The following GIGYF2 variants were observed in gnomAD, a reference collection of about 807,000 sequenced individuals.
GIGYF2 encodes the protein GRB10-interacting GYF protein 2.
In GIGYF2, 25 loss-of-function variants were observed where a neutral mutation model predicts 208.1. That is an observed-to-expected ratio of 0.12 (90% CI 0.09 to 0.17). The LOEUF is 0.17. GIGYF2 is among the 10% of genes least tolerant of loss of function. The pLI, the probability that GIGYF2 is intolerant of heterozygous loss-of-function variation, is 1.00. For missense variants in GIGYF2, 1,302 were observed against 1,579.4 expected (o/e 0.82, Z 2.98); for synonymous variants, 534 against 543.8 (o/e 0.98, Z 0.25).
Position 232,859,401 on chromosome 2 carries a change from G to A in GIGYF2, c.*2541G>A, listed in dbSNP as rs1690695214. The A allele has an allele frequency of 6.6e-6, 1 of 152,166 alleles. No individual in the cohort carries two copies. The highest frequency in any genetic ancestry group is 2.1e-4 in the South Asian group (1 of 4,832). The allele number at this position is 152,166 out of a possible 1,614,324, so 9.4% of individuals were successfully genotyped here. On this transcript the variant is annotated 3_prime_UTR_variant, in exon 29 of 29. Transcript: ENST00000373563. The stretch of plus-strand genomic sequence containing the variant: ...CCGCCTCAGCCTCCTAAATATCTAG[G>A]ACTACAGGTGTGTGCCACCATGCCC...
At chr2:232,781,678 A>G (rs1699728448) in intron 8 of GIGYF2, among the ~76,000 whole-genome samples, 1 of 152,166 alleles carries the variant, frequency 6.6e-6, no homozygotes, top group African/African-American at 2.4e-5. Context: ...TGTACCATGC[A>G]TGATTTGTCT....
At chr2:232,732,828 C>T (rs1366037657) in intron 2 of GIGYF2, among the ~76,000 whole-genome samples, 1 of 151,994 alleles carries the variant, frequency 6.6e-6, no homozygotes, top group Non-Finnish European at 1.5e-5. Context: ...CAGGGTTTTG[C>T]CATGTTGCCC....
rs1701923131 is a variant in GIGYF2, at chr2:232,844,234, A to C, written c.3078A>C (p.Pro1026=). The change falls in exon 24 of 29, where the codon CCA becomes CCC. Residue 1026 remains proline (P), a synonymous_variant. Coordinates refer to ENST00000373563, the MANE Select transcript of GIGYF2 (RefSeq NM_001103146.3). ...AGCAGCAGCAGCAACACCAGCAACC[A>C]AACAGAGCTCGTAACAATACGGTGT... is the stretch of plus-strand genomic sequence containing the variant. ...QQQQQQQHQQ[P]NRARNNTHSN... The C allele has an allele frequency of 1.9e-6, 3 of 1,570,626 alleles. No homozygotes were observed. In the South Asian group the frequency reaches 3.4e-5, roughly 18 times the overall value.
chr2:232,727,460 A>C (rs1392226075), intron 2 of GIGYF2, among the ~76,000 whole-genome samples: 1 of 152,184 alleles, frequency 6.6e-6, no homozygotes, highest in Non-Finnish European at 1.5e-5. Flanking sequence ...TGAAGTATGG[A>C]GGGATACACA....
intron 8 of GIGYF2, among the ~76,000 whole-genome samples, chr2:232,776,972 G>T (rs1352979809): frequency 1.3e-5 from 2 of 151,622 alleles, no homozygotes; most frequent in Non-Finnish European, 2.9e-5. Flanking sequence ...GATTTATTTG[G>T]ATAAGGACTT....
chr2:232,753,707 T>A (rs2106318493), intron 5 of GIGYF2, among the ~76,000 whole-genome samples: 1 of 152,274 alleles, frequency 6.6e-6, no homozygotes, highest in African/African-American at 2.4e-5. Flanking sequence ...CTACATTATA[T>A]AGATGAGGAA....
At chr2:232,816,552 GGTGGGAGGAAA>G (rs1291055132) in intron 19 of GIGYF2, among the ~76,000 whole-genome samples, 1 of 152,154 alleles carries the variant, frequency 6.6e-6, no homozygotes, top group Non-Finnish European at 1.5e-5. Context: ...GGCAAGTACA[GGTGGGAGGAAA>G]GTGCATTCAA....
intron 8 of GIGYF2, chr2:232,782,674 T>C (rs533053081): frequency 6.6e-6 from 1 of 152,314 alleles, no homozygotes; most frequent in African/African-American, 2.4e-5. Context: ...TGTGCTTGCT[T>C]CGGCAGCACA....
intron 3 of GIGYF2, among the ~76,000 whole-genome samples, chr2:232,747,409 A>G (rs1397839798): frequency 6.6e-6 from 1 of 152,284 alleles, no homozygotes; most frequent in African/African-American, 2.4e-5. Context: ...GAATTGCCAC[A>G]TGGTTGTCTA....
chr2:232,816,801 C>A, intron 19 of GIGYF2, 70 bp from the exon 20 acceptor site: 1 of 1,142,376 alleles, frequency 8.8e-7, no homozygotes, highest in Non-Finnish European at 1.3e-6. Flanking sequence ...ACGAATACTA[C>A]TGGTCAGTGC....
At chr2:232,797,323 G>A (rs900049343) in intron 14 of GIGYF2, among the ~76,000 whole-genome samples, 66 of 152,218 alleles carry the variant, frequency 4.3e-4, no homozygotes, top group African/African-American at 1.5e-3. Flanking sequence ...TTTAGTGATA[G>A]CATTTTACTG....
intron 9 of GIGYF2, among the ~76,000 whole-genome samples, chr2:232,790,412 G>A (rs547035429): frequency 7.9e-5 from 12 of 152,122 alleles, no homozygotes; most frequent in Non-Finnish European, 1.6e-4. Context: ...CTGAAAGTGC[G>A]TACTTGGAAT....
At chr2:232,822,044 T>A (rs2106397809) in intron 21 of GIGYF2, among the ~76,000 whole-genome samples, 1 of 152,184 alleles carries the variant, frequency 6.6e-6, no homozygotes, top group African/African-American at 2.4e-5. Context: ...ACCTTTATAG[T>A]AACAGAAGTA....
At chr2:232,836,307 T>C (rs1449674081) in intron 22 of GIGYF2, among the ~76,000 whole-genome samples, 28 of 19,990 alleles carry the variant, frequency 1.4e-3, no homozygotes, top group African/African-American at 3.6e-3. Flanking sequence ...TATATATATA[T>C]ATATATATAT....
At chr2:232,855,080 C>CTTTTTTTTTTTTTTTTT (rs201395041) in intron 28 of GIGYF2, among the ~76,000 whole-genome samples, 5 of 109,188 alleles carry the variant, frequency 4.6e-5, no homozygotes, top group Non-Finnish European at 7.0e-5. Context: ...CTTTTTCTTT[C>CTTTTTTTTTTTTTTTTT]TTTTTTTTTT....
At chr2:232,776,366 C>T (rs1699512314) in intron 8 of GIGYF2, 6 of 1,007,474 alleles carry the variant, frequency 6.0e-6, no homozygotes, top group South Asian at 1.4e-5. Context: ...AGTAATCTAG[C>T]TCTGTTGCTA....
Position 232,833,066 on chromosome 2 carries a change from G to GCAGCAACAA in GIGYF2, c.2744_2752dup (p.Gln915_Gln917dup). Reference sequence around the variant, plus strand: ...CTCTCCGGAGGTTGCAGCAGCAGCAGCAGCAACAACAGCTGGCGCAGATGA... The same window carrying GCAGCAACAA: ...CTCTCCGGAGGTTGCAGCAGCAGCAGCAGCAACAACAGCAACAACAGCTGGCGCAGATGA... On this transcript the variant is annotated inframe_insertion, in exon 22 of 29. Transcript: ENST00000373563. 1 of 1,553,092 alleles carries GCAGCAACAA rather than the reference G, an allele frequency of 6.4e-7. No individual in the cohort carries two copies. The highest frequency in any genetic ancestry group is 1.2e-5 in the South Asian group (1 of 84,140).
At chr2:232,816,529 C>A (rs181171856) in intron 19 of GIGYF2, among the ~76,000 whole-genome samples, 5 of 152,198 alleles carry the variant, frequency 3.3e-5, no homozygotes, top group African/African-American at 1.2e-4. Context: ...ATAATGGTAA[C>A]GTGGAGTGTG....
At chr2:232,723,997 G>A (rs552530936) in intron 2 of GIGYF2, among the ~76,000 whole-genome samples, 16 of 151,736 alleles carry the variant, frequency 1.1e-4, no homozygotes, top group Non-Finnish European at 1.3e-4. Context: ...GCCTCCGAAA[G>A]TGCTGGGATT....
Sources: allele counts gnomAD v4.1 joint callset (sites outside exome capture counted in the v4.1 genomes callset), GRCh38; gene constraint gnomAD v4.1.1; transcripts MANE v1.5; gene names NCBI Gene and HGNC (gene_info 2026-07-23, HGNC 2026-07-21).